FCF1: variants seen among roughly 807,000 people sequenced by gnomAD.
FCF1 encodes FCF1 rRNA-processing protein.
FCF1 carries 17 observed loss-of-function variants against 32.5 expected under a neutral mutation model. That is an observed-to-expected ratio of 0.52 (90% CI 0.36 to 0.78). FCF1 has a LOEUF of 0.78. Among genes scored for constraint, FCF1 ranks in the 30% least tolerant of loss-of-function variants. The pLI, the probability that FCF1 is intolerant of heterozygous loss-of-function variation, is 0.00. For missense variants in FCF1, 201 were observed against 241.1 expected, an observed-to-expected ratio of 0.83 and a Z score of 1.10; for synonymous variants, 84 against 78.4, an observed-to-expected ratio of 1.07 and a Z score of -0.38.
chr14:74,713,652 T>G, intron 2 of FCF1, 100 bp downstream of exon 2: 2 of 1,031,876 alleles, frequency 1.9e-6, no homozygotes, highest in South Asian at 1.5e-5. Context: ...TTTTGCTTAT[T>G]ATCGTGTCTT....
chr14:74,716,831 G>A (rs1030396283), intron 4 of FCF1, among the ~76,000 whole-genome samples: 4 of 152,270 alleles, frequency 2.6e-5, no homozygotes, highest in Non-Finnish European at 5.9e-5. Context: ...TGCCATAGAG[G>A]ATAAATTACT....
chr14:74,716,065 A>G lies in FCF1; in HGVS notation c.258A>G (p.Leu86=), dbSNP rs780086579. Residue 86 remains leucine, a synonymous_variant, in exon 4 of 8, where the codon TTA becomes TTG. Transcript: ENST00000341162. ...INFSIKAKLD[L]VQSMMDCLYA... is the part of the protein sequence containing the mutation. ...TTTCCATAAAAGCCAAACTGGACTTAGTGCAGTCAATGATGGACTGTCTGT... is the reference window on the plus strand; with the variant it reads ...TTTCCATAAAAGCCAAACTGGACTTGGTGCAGTCAATGATGGACTGTCTGT... 2 of 1,613,968 alleles carry G rather than the reference A, an allele frequency of 1.2e-6. No individual in the cohort carries two copies. Among genetic ancestry groups the G allele is most frequent in the Non-Finnish European group, 1.7e-6 (2 of 1,179,856 alleles).
chr14:74,720,875 G>GTT (rs1259312948), intron 4 of FCF1, among the ~76,000 whole-genome samples: 3 of 139,142 alleles, frequency 2.2e-5, no homozygotes, highest in African/African-American at 5.8e-5. Context: ...AGTTTTTGGG[G>GTT]TTTGTTTTTT....
intron 5 of FCF1, among the ~76,000 whole-genome samples, chr14:74,729,717 C>T (rs2090610697): frequency 6.6e-6 from 1 of 151,928 alleles, no homozygotes; most frequent in Non-Finnish European, 1.5e-5. Context: ...TTCGATCTTT[C>T]CTGCTTTCTC....
intron 5 of FCF1, among the ~76,000 whole-genome samples, chr14:74,726,240 G>C: frequency 6.6e-6 from 1 of 151,472 alleles, no homozygotes; most frequent in African/African-American, 2.4e-5. Flanking sequence ...AATCCCAGCA[G>C]TATTGGGAGC....
chr14:74,721,871 A>G (rs1324498184), intron 4 of FCF1, among the ~76,000 whole-genome samples: 1 of 152,134 alleles, frequency 6.6e-6, no homozygotes, highest in Non-Finnish European at 1.5e-5. Flanking sequence ...ATCCTTATGA[A>G]TATGTCTCCC....
rs2090689870 is a variant in FCF1, at chr14:74,735,109, A to G, written c.*179A>G. Reference sequence around the variant, plus strand: ...TAACATCCAAAGGACTGAACCCTGAACAGAGTTAAGTTACCTTTTAAGCAT... The same window carrying G: ...TAACATCCAAAGGACTGAACCCTGAGCAGAGTTAAGTTACCTTTTAAGCAT... On this transcript the variant is annotated 3_prime_UTR_variant, in exon 8 of 8. Transcript: ENST00000341162. 2 of 580,038 alleles carry G rather than the reference A, an allele frequency of 3.4e-6. No individual in the cohort carries two copies. The highest frequency in any genetic ancestry group is 3.0e-5 in the East Asian group (1 of 33,684). The allele number at this position is 580,038 out of a possible 1,614,324, so 35.9% of individuals were successfully genotyped here.
At chr14:74,730,390 T>G (rs929321397) in intron 5 of FCF1, among the ~76,000 whole-genome samples, 1 of 151,914 alleles carries the variant, frequency 6.6e-6, no homozygotes, top group Non-Finnish European at 1.5e-5. Context: ...TTATTTTTTT[T>G]CTTTTGCATG....
At chr14:74,733,932 C>T in intron 6 of FCF1, 144 bp from the exon 7 acceptor site, 1 of 545,560 alleles carries the variant, frequency 1.8e-6, no homozygotes. Context: ...ATAGTAGGTA[C>T]TCAACAAATT....
intron 4 of FCF1, among the ~76,000 whole-genome samples, chr14:74,716,723 C>T (rs1322323272): frequency 6.6e-6 from 1 of 152,146 alleles, no homozygotes; most frequent in Admixed American, 6.5e-5. Context: ...ATCTATGAAG[C>T]CTATCATAGT....
At chr14:74,717,804 C>G (rs1341438307) in intron 4 of FCF1, among the ~76,000 whole-genome samples, 1 of 152,182 alleles carries the variant, frequency 6.6e-6, no homozygotes, top group East Asian at 1.9e-4. Flanking sequence ...TATACCTCCA[C>G]CAGTAATATC....
intron 4 of FCF1, 63 bp downstream of exon 4, chr14:74,716,162 C>A: frequency 2.7e-6 from 4 of 1,499,772 alleles, no homozygotes; most frequent in Non-Finnish European, 2.8e-6. Flanking sequence ...TATACAAATA[C>A]ATGAAAGGAG....
At chr14:74,713,739 G>A in intron 2 of FCF1, 187 bp downstream of exon 2, 1 of 613,716 alleles carries the variant, frequency 1.6e-6, no homozygotes. Flanking sequence ...AAGGCGATGG[G>A]AATTAAACAT....
chr14:74,719,793 T>C (rs997272218), intron 4 of FCF1, among the ~76,000 whole-genome samples: 6 of 152,116 alleles, frequency 3.9e-5, no homozygotes, highest in Non-Finnish European at 8.8e-5. Flanking sequence ...AAGTTGCTTA[T>C]AATGCATTTC....
At chr14:74,731,773 C>G (rs2090640923) in intron 5 of FCF1, among the ~76,000 whole-genome samples, 1 of 152,120 alleles carries the variant, frequency 6.6e-6, no homozygotes, top group Admixed American at 6.6e-5. Flanking sequence ...TGACCTAGCG[C>G]TGAACTACTG....
At chr14:74,729,222 C>T (rs1346213481) in intron 5 of FCF1, among the ~76,000 whole-genome samples, 4 of 152,068 alleles carry the variant, frequency 2.6e-5, no homozygotes, top group Non-Finnish European at 5.9e-5. Context: ...GCTGTGAATC[C>T]ATCTGGTCCT....
chr14:74,734,457 A>G (rs1315786459), intron 7 of FCF1, among the ~76,000 whole-genome samples: 2 of 152,058 alleles, frequency 1.3e-5, no homozygotes, highest in African/African-American at 4.8e-5. Context: ...TTTTGGCCAG[A>G]AATACCTGTT....
chr14:74,725,660 C>T (rs913198861), intron 5 of FCF1, among the ~76,000 whole-genome samples: 4 of 151,900 alleles, frequency 2.6e-5, no homozygotes, highest in Non-Finnish European at 5.9e-5. Context: ...GCCAGCCAGG[C>T]GCAGTGGCTC....
chr14:74,733,921 C>T (rs2140041327), intron 6 of FCF1, among the ~76,000 whole-genome samples, 155 bp from the exon 7 acceptor site: 1 of 152,294 alleles, frequency 6.6e-6, no homozygotes, highest in East Asian at 1.9e-4. Context: ...GCTCCTAGAT[C>T]ATAGTAGGTA....
Sources: allele counts gnomAD v4.1 joint callset (sites outside exome capture counted in the v4.1 genomes callset), GRCh38; gene constraint gnomAD v4.1.1; transcripts MANE v1.5; gene names NCBI Gene and HGNC (gene_info 2026-07-23, HGNC 2026-07-21).